Variants in MTMR7 observed in about 807,000 individuals in gnomAD.
MTMR7 encodes myotubularin related protein 7.
In MTMR7, 76 loss-of-function variants were observed where a neutral mutation model predicts 81.2. The observed-to-expected ratio is 0.94, with a 90% CI of 0.78 to 1.13. MTMR7 has a LOEUF of 1.13. MTMR7 is among the 50% of genes most tolerant of loss of function. MTMR7 has a pLI of 0.00. For synonymous variants in MTMR7, 372 were observed against 289.8 expected (o/e 1.28, Z -2.88); for missense variants, 1,044 against 820.0 (o/e 1.27, Z -3.34).
rs1816937868 is a variant in MTMR7 at position 17,299,223 on chromosome 8, TGAG to T, written c.*636_*638del. ...TACAAGGTTTAGCATTTTTAAATAA[TGAG>T]GAGAAACAGACTATAGATCTCAGAG... On this transcript the variant is annotated 3_prime_UTR_variant, in exon 14 of 14. Transcript: ENST00000180173. 1 of 152,324 alleles carries T rather than the reference TGAG, an allele frequency of 6.6e-6. No homozygotes were observed. Among genetic ancestry groups the T allele is most frequent in the Non-Finnish European group, 1.5e-5 (1 of 68,026 alleles). 9.4% of individuals were successfully genotyped at this position (152,324 alleles called of 1,614,324 possible). A position where few individuals can be genotyped will look rare whatever the true frequency, so the allele number is the denominator to read the frequency against.
At chr8:17,369,986 A>T (rs771862581) in intron 3 of MTMR7, among the ~76,000 whole-genome samples, 7 of 152,036 alleles carry the variant, frequency 4.6e-5, no homozygotes, top group Non-Finnish European at 7.4e-5. Context: ...CAACTCACAC[A>T]AGCCACACAG....
At chr8:17,315,799 T>G (rs1446520718) in intron 7 of MTMR7, among the ~76,000 whole-genome samples, 4 of 151,870 alleles carry the variant, frequency 2.6e-5, no homozygotes, top group Non-Finnish European at 5.9e-5. Flanking sequence ...ATCATTTGAG[T>G]CAAGGAGTTC....
intron 1 of MTMR7, among the ~76,000 whole-genome samples, chr8:17,399,946 T>C (rs1821374298): frequency 6.6e-6 from 1 of 152,100 alleles, no homozygotes; most frequent in Non-Finnish European, 1.5e-5. Flanking sequence ...TCACCTGAGA[T>C]TAAATTTCTC....
At chr8:17,370,312 C>G (rs1165904039) in intron 3 of MTMR7, among the ~76,000 whole-genome samples, 3 of 151,752 alleles carry the variant, frequency 2.0e-5, no homozygotes, top group African/African-American at 4.8e-5. Context: ...CTTGAGGCCA[C>G]GAGTTCAAGA....
intron 6 of MTMR7, among the ~76,000 whole-genome samples, chr8:17,335,092 C>G (rs1445076890): frequency 6.6e-6 from 1 of 152,152 alleles, no homozygotes; most frequent in East Asian, 1.9e-4. Context: ...TTGAGCAAGT[C>G]TAACTGAAAA....
chr8:17,312,207 A>G (rs895523443), intron 8 of MTMR7, among the ~76,000 whole-genome samples: 1 of 152,242 alleles, frequency 6.6e-6, no homozygotes, highest in African/African-American at 2.4e-5. Flanking sequence ...CAGTTAACAT[A>G]CGCTGGGAAA....
chr8:17,361,147 C>G lies in MTMR7; in HGVS notation c.438G>C (p.Trp146Cys). The G allele has an allele frequency of 6.2e-7, 1 of 1,614,160 alleles. No homozygotes were observed. The change falls in exon 4 of 14, where the codon TGG (tryptophan) becomes TGC (cysteine). Residue 146 changes from tryptophan (W) to cysteine (C), a missense_variant. Transcript: ENST00000180173. ...YTRMGLPNHYWQLSDVNRDYR... is the reference protein window; with the variant it reads ...YTRMGLPNHYCQLSDVNRDYR... ...AGTCTCTATTCACATCGCTGAGCTG[C>G]CAGTAATGATTAGGGAGGCCCATCC...
chr8:17,365,752 C>T (rs1486395046), intron 3 of MTMR7, among the ~76,000 whole-genome samples: 1 of 152,206 alleles, frequency 6.6e-6, no homozygotes, highest in Non-Finnish European at 1.5e-5. Context: ...TTGGTATTTA[C>T]AGTATCATAT....
In MTMR7 at chr8:17,331,260, G is replaced by A; in HGVS notation, c.755C>T (p.Ala252Val). Residue 252 changes from alanine (A) to valine (V), a missense_variant, in exon 7 of 14, where the codon GCT becomes GTT. Coordinates refer to ENST00000180173, the MANE Select transcript of MTMR7 (RefSeq NM_004686.5). ...RPKLNAMANR[A>V]AGKGYENEDN... is the part of the protein sequence containing the mutation. ...TTCATTCTCATAGCCTTTCCCTGCA[G>A]CACGATTTGCCATTGCATTAAGCTG... The A allele has an allele frequency of 6.2e-7, 1 of 1,608,694 alleles. No individual in the cohort carries two copies. The highest frequency in any genetic ancestry group is 8.5e-7 in the Non-Finnish European group (1 of 1,178,412).
At chr8:17,323,640 G>C (rs1311826700) in intron 7 of MTMR7, among the ~76,000 whole-genome samples, 1 of 152,120 alleles carries the variant, frequency 6.6e-6, no homozygotes. Flanking sequence ...TTGCAGCAGA[G>C]GCCGCAGGGG....
intron 3 of MTMR7, among the ~76,000 whole-genome samples, chr8:17,366,334 A>G (rs755461885): frequency 1.1e-4 from 16 of 152,330 alleles, no homozygotes; most frequent in African/African-American, 3.1e-4. Context: ...GGATAAATAT[A>G]TGGAGTAATT....
chr8:17,394,939 T>C (rs1053311757), intron 1 of MTMR7, among the ~76,000 whole-genome samples: 2 of 152,182 alleles, frequency 1.3e-5, no homozygotes, highest in African/African-American at 2.4e-5. Context: ...ACATAAAAGA[T>C]ATACTTTAAA....
At chr8:17,377,051 G>GT (rs66966437) in intron 1 of MTMR7, among the ~76,000 whole-genome samples, 28 of 151,036 alleles carry the variant, frequency 1.9e-4, no homozygotes, top group East Asian at 3.9e-4. Flanking sequence ...ATTTTGATTT[G>GT]TTTTTTTTCT....
chr8:17,401,043 A>G (rs1397962806), intron 1 of MTMR7, among the ~76,000 whole-genome samples: 1 of 152,146 alleles, frequency 6.6e-6, no homozygotes, highest in African/African-American at 2.4e-5. Flanking sequence ...AGTGTTGTAT[A>G]TAAATGCAGC....
intron 1 of MTMR7, among the ~76,000 whole-genome samples, chr8:17,407,728 G>A (rs958417832): frequency 2.6e-5 from 4 of 151,822 alleles, no homozygotes; most frequent in African/African-American, 7.3e-5. Context: ...TTTAGTGCAC[G>A]CAAAGAAAAA....
At chr8:17,302,706 C>T (rs544899161) in intron 12 of MTMR7, among the ~76,000 whole-genome samples, 12 of 47,900 alleles carry the variant, frequency 2.5e-4, no homozygotes, top group African/African-American at 5.1e-4. Context: ...GGCAATAACC[C>T]CCCCCCCCCC....
chr8:17,313,008 T>C (rs1428503729), intron 8 of MTMR7, among the ~76,000 whole-genome samples: 2 of 152,252 alleles, frequency 1.3e-5, no homozygotes, highest in African/African-American at 4.8e-5. Context: ...TTTGGTTGTA[T>C]TCTACAGAAA....
intron 10 of MTMR7, among the ~76,000 whole-genome samples, chr8:17,306,915 G>C (rs1387296997): frequency 9.7e-6 from 1 of 103,326 alleles, no homozygotes; most frequent in Non-Finnish European, 1.9e-5. Context: ...TTAAACGTTA[G>C]ACCTAAAACT....
rs1816862783 is a variant in MTMR7, at chr8:17,298,223, C to G, written c.*1639G>C. 1 of 151,934 alleles carries G rather than the reference C, an allele frequency of 6.6e-6. No homozygotes were observed. Among genetic ancestry groups the G allele is most frequent in the Non-Finnish European group, 1.5e-5 (1 of 67,910 alleles). 9.4% of individuals were successfully genotyped at this position (151,934 alleles called of 1,614,324 possible). On this transcript the variant is annotated 3_prime_UTR_variant, in exon 14 of 14. Transcript: ENST00000180173. ...CACTATATCCTAAGTTTTATTTTAGCAAGGTATTCCCTATTACATATAGTA... is the reference window on the plus strand; with the variant it reads ...CACTATATCCTAAGTTTTATTTTAGGAAGGTATTCCCTATTACATATAGTA...
Sources: gnomAD v4.1 joint callset for allele counts (sites outside exome capture counted in the v4.1 genomes callset) on GRCh38, gnomAD v4.1.1 for gene constraint, MANE v1.5 for transcripts, NCBI Gene and HGNC (gene_info 2026-07-23, HGNC 2026-07-21) for gene names.